PTPRR: variants seen among roughly 807,000 people sequenced by gnomAD.
PTPRR encodes protein tyrosine phosphatase receptor type R, also known as receptor-type tyrosine-protein phosphatase R.
Under a neutral mutation model 77.2 loss-of-function variants are expected in PTPRR, and 38 were observed. The observed-to-expected ratio is 0.49, with a 90% CI of 0.38 to 0.65. PTPRR has a LOEUF of 0.65. Ranked by LOEUF, PTPRR falls within the 30% of genes least tolerant of loss-of-function variation. The probability of loss-of-function intolerance (pLI) is 0.00; values close to 1 mark genes in which losing one functional copy is unlikely to be tolerated. For missense variants in PTPRR, 744 were observed against 799.2 expected (o/e 0.93, Z 0.83); for synonymous variants, 299 against 283.1 (o/e 1.06, Z -0.57).
intron 8 of PTPRR, among the ~76,000 whole-genome samples, chr12:70,689,384 CA>C (rs1244673332): frequency 6.6e-6 from 1 of 152,008 alleles, no homozygotes; most frequent in African/African-American, 2.4e-5. Context: ...CCCTCCCTTC[CA>C]AAAAACTAAA....
chr12:70,892,926 CTCT>C lies in PTPRR; in HGVS notation c.107_109del (p.Lys36del). 2 of 1,613,398 alleles carry C rather than the reference CTCT, an allele frequency of 1.2e-6. No individual in the cohort carries two copies. ...CTTATAAATGAATACCGGCTTCCCA[CTCT>C]TCTTCTGATTAATTGCCAAAAAATG... On this transcript the variant is annotated inframe_deletion, in exon 2 of 14. Coordinates refer to ENST00000283228, the MANE Select transcript of PTPRR (RefSeq NM_002849.4).
chr12:70,706,036 A>G (rs374131228), intron 6 of PTPRR, among the ~76,000 whole-genome samples: 4 of 74,252 alleles, frequency 5.4e-5, no homozygotes, highest in Non-Finnish European at 1.2e-4. Flanking sequence ...ATGAAAAAGG[A>G]AAAAAAAAAC....
intron 1 of PTPRR, 95 bp from the exon 2 acceptor site, chr12:70,893,072 C>G: frequency 1.5e-6 from 2 of 1,325,678 alleles, no homozygotes; most frequent in Non-Finnish European, 2.1e-6. Context: ...TCTTGAGAGG[C>G]TTTAAGACTT....
intron 2 of PTPRR, among the ~76,000 whole-genome samples, chr12:70,880,122 G>T (rs1292581152): frequency 6.0e-5 from 9 of 150,210 alleles, no homozygotes; most frequent in Non-Finnish European, 1.3e-4. Context: ...ATTTTTCATT[G>T]TTCCATATAA....
intron 13 of PTPRR, among the ~76,000 whole-genome samples, chr12:70,648,813 C>T (rs1291500278): frequency 1.3e-5 from 2 of 152,016 alleles, no homozygotes; most frequent in Non-Finnish European, 2.9e-5. Context: ...GGGATGATCC[C>T]TTAATGCCCT....
At chr12:70,673,072 T>A in intron 10 of PTPRR, 1 of 1,154,148 alleles carries the variant, frequency 8.7e-7, no homozygotes, top group Non-Finnish European at 1.1e-6. Flanking sequence ...GAAATATATA[T>A]TTGACTTATA....
intron 2 of PTPRR, among the ~76,000 whole-genome samples, chr12:70,801,242 T>A (rs1891609728): frequency 6.6e-6 from 1 of 152,232 alleles, no homozygotes; most frequent in Non-Finnish European, 1.5e-5. Flanking sequence ...AAGTCCATTG[T>A]CATGGTTAAT....
intron 2 of PTPRR, among the ~76,000 whole-genome samples, chr12:70,869,685 A>G (rs1288361947): frequency 6.6e-6 from 1 of 152,102 alleles, no homozygotes; most frequent in African/African-American, 2.4e-5. Flanking sequence ...AGAGAAGGAG[A>G]TATGATGGCT....
At chr12:70,706,185 T>C (rs1336872038) in intron 6 of PTPRR, among the ~76,000 whole-genome samples, 3 of 152,112 alleles carry the variant, frequency 2.0e-5, no homozygotes, top group African/African-American at 4.8e-5. Flanking sequence ...CCGAGGTTAA[T>C]GGCATTTAAT....
intron 2 of PTPRR, among the ~76,000 whole-genome samples, chr12:70,774,525 TGAA>T (rs1470719853): frequency 2.0e-5 from 3 of 151,836 alleles, no homozygotes; most frequent in African/African-American, 7.3e-5. Flanking sequence ...CCAACTATAG[TGAA>T]GAAGTGAGTT....
At chr12:70,790,113 T>C (rs963379528) in intron 2 of PTPRR, among the ~76,000 whole-genome samples, 1 of 152,188 alleles carries the variant, frequency 6.6e-6, no homozygotes, top group African/African-American at 2.4e-5. Context: ...TCAAATGTGT[T>C]ATAATATTTC....
At chr12:70,767,103 C>A (rs954720023) in intron 2 of PTPRR, among the ~76,000 whole-genome samples, 17 of 152,108 alleles carry the variant, frequency 1.1e-4, no homozygotes, top group African/African-American at 3.6e-4. Flanking sequence ...GAAACTACAT[C>A]AACTAATGAG....
At chr12:70,680,446 C>T (rs150884029) in intron 10 of PTPRR, among the ~76,000 whole-genome samples, 339 of 152,292 alleles carry the variant, frequency 2.2e-3, no homozygotes, top group South Asian at 3.9e-3. Flanking sequence ...GGTACATTGG[C>T]TTTTGCTCTA....
intron 2 of PTPRR, among the ~76,000 whole-genome samples, chr12:70,783,299 G>A (rs1247715579): frequency 6.6e-6 from 1 of 152,046 alleles, no homozygotes; most frequent in Non-Finnish European, 1.5e-5. Flanking sequence ...GGAGAGGGTA[G>A]CTCCTCTCTG....
rs533058459 is a variant in PTPRR at position 70,694,640 on chromosome 12, T to A, written c.1279+3625A>T. 2.6e-5 allele frequency among the ~76,000 whole-genome samples: 4 copies of A among 151,798 alleles called. No individual in the cohort carries two copies. The South Asian group carries it at 8.4e-4, about 32-fold the overall frequency. On this transcript the variant is annotated intron_variant, in intron 8 of 13. Coordinates refer to ENST00000283228, the MANE Select transcript of PTPRR (RefSeq NM_002849.4). ...ACATAAAGATGAAAACAATAGTAAC[T>A]GGGACTCCAAAAAAAGGGAGGGAGG...
chr12:70,750,800 G>A (rs76913234), intron 5 of PTPRR, among the ~76,000 whole-genome samples: 3,291 of 152,200 alleles, frequency 0.022, 112 homozygotes, highest in African/African-American at 0.075. Flanking sequence ...CATGATCATA[G>A]CTCACTGTAG....
intron 1 of PTPRR, among the ~76,000 whole-genome samples, chr12:70,918,787 A>G (rs1311850378): frequency 6.6e-6 from 1 of 152,196 alleles, no homozygotes; most frequent in South Asian, 2.1e-4. Flanking sequence ...TTTTTCTGTA[A>G]TGAATGTTTG....
intron 11 of PTPRR, chr12:70,661,317 A>C: frequency 1.6e-6 from 1 of 611,206 alleles, no homozygotes; most frequent in Non-Finnish European, 3.0e-6. Context: ...CTTTGTTGAG[A>C]TTTACATCTC....
At chr12:70,781,931 G>T (rs1022700659) in intron 2 of PTPRR, among the ~76,000 whole-genome samples, 1 of 152,150 alleles carries the variant, frequency 6.6e-6, no homozygotes, top group Admixed American at 6.5e-5. Context: ...GTAAGAATAT[G>T]TTGAGACATT....
Sources: gnomAD v4.1 joint callset for allele counts (sites outside exome capture counted in the v4.1 genomes callset) on GRCh38, gnomAD v4.1.1 for gene constraint, MANE v1.5 for transcripts, NCBI Gene and HGNC (gene_info 2026-07-23, HGNC 2026-07-21) for gene names.